Variants in LSAMP observed in about 807,000 individuals in gnomAD.
LSAMP encodes the protein limbic system associated membrane protein.
Under a neutral mutation model 38.6 loss-of-function variants are expected in LSAMP, and 7 were observed. The ratio of observed to expected loss-of-function variants is 0.18; its 90% CI spans 0.10 to 0.34. The LOEUF is 0.34. LSAMP is among the 10% of genes least tolerant of loss of function. The pLI is 1.00. For synonymous variants in LSAMP, 154 were observed against 166.8 expected, an observed-to-expected ratio of 0.92 and a Z score of 0.59; for missense variants, 313 against 420.0, an observed-to-expected ratio of 0.75 and a Z score of 2.23.
chr3:116,182,901 A>C (rs1710520423), intron 1 of LSAMP, among the ~76,000 whole-genome samples: 3 of 151,854 alleles, frequency 2.0e-5, no homozygotes, highest in Admixed American at 2.0e-4. Context: ...CATCACAATG[A>C]CTATTGTAGA....
intron 2 of LSAMP, among the ~76,000 whole-genome samples, chr3:116,043,943 C>T (rs1037695381): frequency 2.0e-5 from 3 of 152,190 alleles, no homozygotes; most frequent in African/African-American, 7.2e-5. Flanking sequence ...GAGACTCCGT[C>T]TCAAAAATAA....
chr3:115,852,277 T>G (rs2107522684), intron 4 of LSAMP, among the ~76,000 whole-genome samples: 2 of 152,356 alleles, frequency 1.3e-5, no homozygotes, highest in Admixed American at 1.3e-4. Flanking sequence ...CTGTTAAATG[T>G]ATTATGGATT....
intron 1 of LSAMP, among the ~76,000 whole-genome samples, chr3:116,202,476 G>A (rs1014126833): frequency 3.3e-5 from 5 of 151,182 alleles, no homozygotes; most frequent in Admixed American, 1.3e-4. Context: ...ACAGGGTTTT[G>A]CTCCATCACC....
At chr3:116,197,905 A>G (rs1273634742) in intron 1 of LSAMP, among the ~76,000 whole-genome samples, 1 of 152,116 alleles carries the variant, frequency 6.6e-6, no homozygotes, top group African/African-American at 2.4e-5. Flanking sequence ...ATATAGATAT[A>G]AATATATATG....
At chr3:116,378,366 C>A (rs1276549979) in intron 1 of LSAMP, among the ~76,000 whole-genome samples, 1 of 151,924 alleles carries the variant, frequency 6.6e-6, no homozygotes, top group Non-Finnish European at 1.5e-5. Flanking sequence ...AAGCCTCCTG[C>A]AAAAAATAAT....
intron 3 of LSAMP, among the ~76,000 whole-genome samples, chr3:115,979,011 A>C (rs969864653): frequency 6.6e-6 from 1 of 152,170 alleles, no homozygotes; most frequent in African/African-American, 2.4e-5. Context: ...TAAAACAGAA[A>C]AAAAATCAAT....
chr3:115,868,069 G>A (rs1372196942), intron 3 of LSAMP, among the ~76,000 whole-genome samples: 1 of 152,094 alleles, frequency 6.6e-6, no homozygotes, highest in Non-Finnish European at 1.5e-5. Flanking sequence ...GTTGGTCTAA[G>A]GGCTTTAGAT....
At chr3:115,996,371 C>T (rs1939815631) in intron 3 of LSAMP, among the ~76,000 whole-genome samples, 1 of 151,810 alleles carries the variant, frequency 6.6e-6, no homozygotes, top group South Asian at 2.1e-4. Flanking sequence ...ATCCCCCCAC[C>T]ATCTTTTATT....
intron 1 of LSAMP, among the ~76,000 whole-genome samples, chr3:116,254,705 A>G (rs1030901186): frequency 1.3e-5 from 2 of 152,138 alleles, no homozygotes; most frequent in African/African-American, 2.4e-5. Flanking sequence ...TCTGACTACC[A>G]TCTGTTTAGT....
chr3:115,861,480 G>A lies in LSAMP; in HGVS notation c.515-8863C>T, dbSNP rs72953455. ...ATGATGTTGAGAAGGATTCTGAGGCGGTGTCTGGGCTCAATGAGAGAGAGT... is the reference window on the plus strand; with the variant it reads ...ATGATGTTGAGAAGGATTCTGAGGCAGTGTCTGGGCTCAATGAGAGAGAGT... On this transcript the variant is annotated intron_variant, in intron 3 of 6. Transcript: ENST00000490035. 2.8e-4 allele frequency among the ~76,000 whole-genome samples: 42 copies of A among 151,382 alleles called. 1 individual carries two copies. Among genetic ancestry groups the A allele is most frequent in the Admixed American group, 1.9e-3 (29 of 15,126 alleles).
chr3:116,333,067 A>T (rs1230306003), intron 1 of LSAMP, among the ~76,000 whole-genome samples: 1 of 152,146 alleles, frequency 6.6e-6, no homozygotes, highest in Non-Finnish European at 1.5e-5. Context: ...ACTTTCAACA[A>T]TAGGACAATC....
chr3:116,365,978 C>A (rs1576164788), intron 1 of LSAMP, among the ~76,000 whole-genome samples: 1 of 74,760 alleles, frequency 1.3e-5, no homozygotes, highest in African/African-American at 5.6e-5. Context: ...CTAACCTGCA[C>A]AATGTGCACA....
chr3:116,056,546 A>G (rs760770063), intron 2 of LSAMP, among the ~76,000 whole-genome samples: 2 of 152,176 alleles, frequency 1.3e-5, no homozygotes, highest in Non-Finnish European at 2.9e-5. Flanking sequence ...TTATACAACC[A>G]TATAGTCAGA....
chr3:116,026,848 T>C (rs930263293), intron 2 of LSAMP, among the ~76,000 whole-genome samples: 3 of 152,174 alleles, frequency 2.0e-5, no homozygotes, highest in African/African-American at 7.2e-5. Flanking sequence ...TGTCAGCATC[T>C]GGAACACAAG....
At chr3:116,133,261 T>G (rs574923995) in intron 1 of LSAMP, among the ~76,000 whole-genome samples, 1 of 151,902 alleles carries the variant, frequency 6.6e-6, no homozygotes, top group South Asian at 2.1e-4. Context: ...CTTTTTTTTT[T>G]GTTGTTGTTG....
chr3:115,825,995 T>G (rs571465769), intron 6 of LSAMP, among the ~76,000 whole-genome samples: 1 of 152,318 alleles, frequency 6.6e-6, no homozygotes, highest in African/African-American at 2.4e-5. Flanking sequence ...TTTAAAAAAT[T>G]TATTAGGCTT....
At chr3:115,887,353 CTTATA>C (rs1026560398) in intron 3 of LSAMP, among the ~76,000 whole-genome samples, 23 of 151,648 alleles carry the variant, frequency 1.5e-4, no homozygotes, top group African/African-American at 5.1e-4. Flanking sequence ...TAATTTTTAT[CTTATA>C]ATATGAAATC....
At chr3:116,156,993 A>C (rs1394874045) in intron 1 of LSAMP, among the ~76,000 whole-genome samples, 2 of 152,136 alleles carry the variant, frequency 1.3e-5, no homozygotes, top group East Asian at 3.9e-4. Flanking sequence ...CTAATGATTG[A>C]GTAGGCAGTC....
chr3:116,297,479 C>A (rs2047352086), intron 1 of LSAMP, among the ~76,000 whole-genome samples: 1 of 151,940 alleles, frequency 6.6e-6, no homozygotes, highest in African/African-American at 2.4e-5. Context: ...TTTATGTTAT[C>A]CCTTTGGAAA....
Sources: gnomAD v4.1 joint callset for allele counts (sites outside exome capture counted in the v4.1 genomes callset) on GRCh38, gnomAD v4.1.1 for gene constraint, MANE v1.5 for transcripts, NCBI Gene and HGNC (gene_info 2026-07-23, HGNC 2026-07-21) for gene names.